Variants in ZNF664 observed in about 807,000 individuals in gnomAD.
ZNF664 encodes the protein zinc finger protein 664.
A neutral mutation model predicts 18.2 loss-of-function variants in ZNF664; 10 were observed. The observed-to-expected ratio is 0.55, with a 90% CI of 0.34 to 0.93. The LOEUF is 0.93. Among genes scored for constraint, ZNF664 ranks in the 40% least tolerant of loss-of-function variants. The probability of loss-of-function intolerance (pLI) is 0.02; values close to 1 mark genes in which losing one functional copy is unlikely to be tolerated. For synonymous variants in ZNF664, 119 were observed against 104.2 expected (o/e 1.14, Z -0.86); for missense variants, 193 against 319.0 (o/e 0.61, Z 3.01).
chr12:123,987,176 G>T (rs1246554012), intron 2 of ZNF664, among the ~76,000 whole-genome samples: 2 of 152,178 alleles, frequency 1.3e-5, no homozygotes, highest in African/African-American at 4.8e-5. Flanking sequence ...AGCTGTAGAG[G>T]CATACTGTAA....
intron 3 of ZNF664, among the ~76,000 whole-genome samples, chr12:123,994,565 A>C (rs560283175): frequency 1.3e-5 from 2 of 152,326 alleles, no homozygotes; most frequent in Admixed American, 1.3e-4. Context: ...AGTCTCTTGC[A>C]ATATGTTGTT....
chr12:123,973,218 C>A lies in ZNF664; in HGVS notation c.-1026C>A. ...CCGGCCTCGTGCGTGCGCACGCGCG[C>A]TGTCCCCCGGAGGCGTCTGGGTGTG... is the stretch of plus-strand genomic sequence containing the variant. On this transcript the variant is annotated 5_prime_UTR_variant, in exon 1 of 5. In the 5' UTR this introduces an upstream ATG that the reference lacks. Coordinates refer to ENST00000337815, the MANE Select transcript of ZNF664 (RefSeq NM_152437.3). The A allele has an allele frequency of 5.1e-6, 5 of 985,230 alleles. No homozygotes were observed. Among genetic ancestry groups the A allele is most frequent in the Non-Finnish European group, 6.0e-6 (5 of 831,860 alleles). 61.0% of individuals were successfully genotyped at this position (985,230 alleles called of 1,614,324 possible).
chr12:124,001,919 C>T (rs1957017258), intron 3 of ZNF664, among the ~76,000 whole-genome samples: 1 of 152,248 alleles, frequency 6.6e-6, no homozygotes, highest in African/African-American at 2.4e-5. Flanking sequence ...CATAAATTCT[C>T]TGCAGTTTCT....
intron 2 of ZNF664, among the ~76,000 whole-genome samples, chr12:123,979,885 C>T (rs55680811): frequency 0.041 from 6,301 of 152,170 alleles, 407 homozygotes; most frequent in African/African-American, 0.13. Flanking sequence ...AGTCTCACCA[C>T]GTTACCCAGG....
In ZNF664 at chr12:124,013,440, A is replaced by G. The variant is rs1264443482; in HGVS notation, c.*510A>G. On this transcript the variant is annotated 3_prime_UTR_variant, in exon 5 of 5. Transcript: ENST00000337815. ...CCCTACATATCTTTCCATATATCCTATTATTTCTGAATATATGTCCTCAAA... is the reference window on the plus strand; with the variant it reads ...CCCTACATATCTTTCCATATATCCTGTTATTTCTGAATATATGTCCTCAAA... The G allele has an allele frequency of 1.2e-5, 2 of 173,456 alleles. No individual in the cohort carries two copies. Among genetic ancestry groups the G allele is most frequent in the Non-Finnish European group, 2.8e-5 (2 of 71,804 alleles). 10.7% of individuals were successfully genotyped at this position (173,456 alleles called of 1,614,324 possible). A position where few individuals can be genotyped will look rare whatever the true frequency, so the allele number is the denominator to read the frequency against.
chr12:123,983,140 C>A (rs1956785845), intron 2 of ZNF664, among the ~76,000 whole-genome samples: 1 of 152,064 alleles, frequency 6.6e-6, no homozygotes, highest in South Asian at 2.1e-4. Context: ...GAGCGAGACC[C>A]TGTCTCAAAA....
chr12:123,982,485 G>A (rs1388985132), intron 2 of ZNF664, among the ~76,000 whole-genome samples: 2 of 152,086 alleles, frequency 1.3e-5, no homozygotes, highest in African/African-American at 4.8e-5. Flanking sequence ...TAAATAACAC[G>A]TGACCCCAGG....
chr12:123,999,139 A>G (rs1956983388), intron 3 of ZNF664, among the ~76,000 whole-genome samples: 1 of 152,210 alleles, frequency 6.6e-6, no homozygotes, highest in African/African-American at 2.4e-5. Context: ...CCCCTATGAC[A>G]CAATTGCCTG....
chr12:124,009,055 T>C (rs1957105901), intron 3 of ZNF664, among the ~76,000 whole-genome samples: 1 of 152,264 alleles, frequency 6.6e-6, no homozygotes, highest in African/African-American at 2.4e-5. Context: ...AGTCAAATTT[T>C]ATATTACAGA....
intron 3 of ZNF664, among the ~76,000 whole-genome samples, chr12:124,001,724 T>G (rs1957014813): frequency 6.6e-6 from 1 of 152,222 alleles, no homozygotes; most frequent in African/African-American, 2.4e-5. Flanking sequence ...GACATTTCTT[T>G]GTGGACACCT....
At chr12:123,974,678 T>C (rs569929185) in intron 2 of ZNF664, 1 of 152,376 alleles carries the variant, frequency 6.6e-6, no homozygotes, top group South Asian at 2.1e-4. Flanking sequence ...TCCTTCTAGA[T>C]CTTTTGGAGT....
At chr12:123,979,356 A>AT (rs979802538) in intron 2 of ZNF664, among the ~76,000 whole-genome samples, 25 of 152,316 alleles carry the variant, frequency 1.6e-4, no homozygotes, top group African/African-American at 5.3e-4. Flanking sequence ...TAAAAACTAG[A>AT]TTTTTTTGTT....
rs1045345977 is a variant in ZNF664, at chr12:124,014,368, G to A, written c.*1438G>A. 3.6e-5 allele frequency: 6 copies of A among 167,192 alleles called. No homozygotes were observed. Among genetic ancestry groups the A allele is most frequent in the East Asian group, 1.9e-4 (1 of 5,178 alleles). 10.4% of individuals were successfully genotyped at this position (167,192 alleles called of 1,614,324 possible). ...AGCAGTGGGGAAGGGGAGAGATGCC[G>A]AGGTGGTCAGTATCCTGACTTTCAG... On this transcript the variant is annotated 3_prime_UTR_variant, in exon 5 of 5. Transcript: ENST00000337815.
At chr12:123,977,024 G>T (rs978938356) in intron 2 of ZNF664, among the ~76,000 whole-genome samples, 1 of 152,180 alleles carries the variant, frequency 6.6e-6, no homozygotes, top group African/African-American at 2.4e-5. Context: ...AGCTTGCAGT[G>T]AGCGGAGATC....
chr12:123,985,057 T>G (rs192625585), intron 2 of ZNF664, among the ~76,000 whole-genome samples: 66 of 150,488 alleles, frequency 4.4e-4, no homozygotes, highest in Non-Finnish European at 8.1e-4. Flanking sequence ...AGTTTTGTAG[T>G]GGGGGTGGGG....
chr12:123,982,413 G>A (rs1426217413), intron 2 of ZNF664, among the ~76,000 whole-genome samples: 1 of 152,156 alleles, frequency 6.6e-6, no homozygotes, highest in Non-Finnish European at 1.5e-5. Context: ...TGCTCACTGT[G>A]TGTCTGCCCT....
At position 124,013,767 on chromosome 12, in the gene ZNF664, T is replaced by C. The variant is rs2138472697; in HGVS notation, c.*837T>C. ...TCCAGAATTGCCCTCTGGGCTCCTTTGGTAACAGATGGAGCTCCTTCCTAG... is the reference window on the plus strand; with the variant it reads ...TCCAGAATTGCCCTCTGGGCTCCTTCGGTAACAGATGGAGCTCCTTCCTAG... On this transcript the variant is annotated 3_prime_UTR_variant, in exon 5 of 5. Transcript: ENST00000337815. 1 of 167,230 alleles carries C rather than the reference T, an allele frequency of 6.0e-6. No homozygotes were observed. Among genetic ancestry groups the C allele is most frequent in the Non-Finnish European group, 1.5e-5 (1 of 68,132 alleles). 10.4% of individuals were successfully genotyped at this position (167,230 alleles called of 1,614,324 possible). A position where few individuals can be genotyped will look rare whatever the true frequency, so the allele number is the denominator to read the frequency against.
intron 3 of ZNF664, among the ~76,000 whole-genome samples, chr12:123,999,337 G>T (rs1285558930): frequency 2.0e-5 from 3 of 152,138 alleles, no homozygotes; most frequent in Non-Finnish European, 2.9e-5. Flanking sequence ...TGATAGATCT[G>T]GTTCTGGGTA....
At position 124,012,435 on chromosome 12, in the gene ZNF664, T is replaced by C. The variant is rs1957144546; in HGVS notation, c.291T>C (p.Asn97=). 3.7e-6 allele frequency: 6 copies of C among 1,614,216 alleles called. No individual in the cohort carries two copies. Among genetic ancestry groups the C allele is most frequent in the Non-Finnish European group, 5.1e-6 (6 of 1,180,038 alleles). ...YKCYECGKAF[N]WSSHLQIHMR... is the part of the protein sequence containing the mutation. Reference sequence around the variant, plus strand: ...GTTACGAGTGTGGCAAAGCCTTCAATTGGAGCTCCCATCTTCAAATTCATA... The same window carrying C: ...GTTACGAGTGTGGCAAAGCCTTCAACTGGAGCTCCCATCTTCAAATTCATA... Residue 97 remains asparagine, a synonymous_variant, in exon 5 of 5, where the codon AAT becomes AAC. Transcript: ENST00000337815.
Sources: gnomAD v4.1 joint callset for allele counts (sites outside exome capture counted in the v4.1 genomes callset) on GRCh38, gnomAD v4.1.1 for gene constraint, MANE v1.5 for transcripts, NCBI Gene and HGNC (gene_info 2026-07-23, HGNC 2026-07-21) for gene names.